The following KIAA1328 variants were observed in gnomAD, a reference collection of about 807,000 sequenced individuals.
The protein encoded by KIAA1328 is protein hinderin.
KIAA1328 carries 52 observed loss-of-function variants against 68.1 expected under a neutral mutation model. That is an observed-to-expected ratio of 0.76 (90% CI 0.61 to 0.96). KIAA1328 has a LOEUF of 0.96. Among genes scored for constraint, KIAA1328 ranks in the 40% least tolerant of loss-of-function variants. KIAA1328 has a pLI of 0.00. For missense variants in KIAA1328, 641 were observed against 677.6 expected, an observed-to-expected ratio of 0.95 and a Z score of 0.60; for synonymous variants, 232 against 239.4, an observed-to-expected ratio of 0.97 and a Z score of 0.28.
At chr18:36,888,551 T>G (rs1398418298) in intron 5 of KIAA1328, among the ~76,000 whole-genome samples, 1 of 152,126 alleles carries the variant, frequency 6.6e-6, no homozygotes, top group East Asian at 1.9e-4. Context: ...AATATTTTGG[T>G]TGGTAAAACT....
chr18:37,083,460 A>G (rs1183909466), intron 7 of KIAA1328, among the ~76,000 whole-genome samples: 1 of 152,218 alleles, frequency 6.6e-6, no homozygotes, highest in African/African-American at 2.4e-5. Flanking sequence ...ACCAGAGAAC[A>G]TTTCTTAAAA....
chr18:37,028,113 T>C lies in KIAA1328; in HGVS notation c.577-38777T>C, dbSNP rs570267538. ...CAACAGACACATGAAAAAATGCCCATGTGTTCTCAATGTTAGCTCCTACTT... is the reference window on the plus strand; with the variant it reads ...CAACAGACACATGAAAAAATGCCCACGTGTTCTCAATGTTAGCTCCTACTT... On this transcript the variant is annotated intron_variant, in intron 6 of 9. Transcript: ENST00000280020. 2.6e-5 allele frequency among the ~76,000 whole-genome samples: 4 copies of C among 152,272 alleles called. No homozygotes were observed. The East Asian group carries it at 7.7e-4, about 29-fold the overall frequency.
At chr18:36,986,548 A>G (rs1421015164) in intron 6 of KIAA1328, among the ~76,000 whole-genome samples, 54 of 107,562 alleles carry the variant, frequency 5.0e-4, no homozygotes, top group African/African-American at 1.9e-3. Context: ...TGAACAGGCA[A>G]CCTACAACAT....
intron 6 of KIAA1328, among the ~76,000 whole-genome samples, chr18:36,985,142 ATC>A (rs1476633657): frequency 1.3e-5 from 2 of 151,772 alleles, no homozygotes; most frequent in Non-Finnish European, 2.9e-5. Flanking sequence ...TCTCTCCAAA[ATC>A]CTGTTTAAAA....
chr18:37,170,133 C>T (rs1389001168), intron 8 of KIAA1328, among the ~76,000 whole-genome samples: 1 of 152,144 alleles, frequency 6.6e-6, no homozygotes, highest in Non-Finnish European at 1.5e-5. Flanking sequence ...TGACTTTGTT[C>T]TATCTGTTCC....
rs1171177191 is a variant in KIAA1328, at chr18:37,155,555, A to G, written c.1233-4645A>G. Among the ~76,000 whole-genome samples, 2 of 152,116 alleles carry G rather than the reference A, an allele frequency of 1.3e-5. 1 individual carries two copies. The highest frequency in any genetic ancestry group is 4.8e-5 in the African/African-American group (2 of 41,416). On this transcript the variant is annotated intron_variant, in intron 7 of 9. Transcript: ENST00000280020. ...TACCGCTTCTCTATTGCAAACCTTC[A>G]TCTCTCACCAGAGCTGTTTCAGCAG...
intron 9 of KIAA1328, among the ~76,000 whole-genome samples, chr18:37,199,905 G>A (rs1035386318): frequency 6.6e-6 from 1 of 152,162 alleles, no homozygotes; most frequent in African/African-American, 2.4e-5. Flanking sequence ...CTTTTGAGAA[G>A]TGTCTTTTCA....
At chr18:37,094,661 G>T (rs1275418673) in intron 7 of KIAA1328, among the ~76,000 whole-genome samples, 2 of 152,100 alleles carry the variant, frequency 1.3e-5, no homozygotes, top group Admixed American at 1.3e-4. Flanking sequence ...AAAAGAAAGA[G>T]AAGAACAAAT....
chr18:36,908,294 T>G (rs1598669366), intron 5 of KIAA1328, among the ~76,000 whole-genome samples: 1 of 152,158 alleles, frequency 6.6e-6, no homozygotes, highest in East Asian at 1.9e-4. Flanking sequence ...TAATTTATTT[T>G]TATTTATTTT....
At chr18:37,035,745 T>C (rs2055000987) in intron 6 of KIAA1328, among the ~76,000 whole-genome samples, 1 of 152,198 alleles carries the variant, frequency 6.6e-6, no homozygotes, top group Non-Finnish European at 1.5e-5. Flanking sequence ...TTTAAACTAA[T>C]TTTGGTTTGG....
At chr18:37,189,863 T>C (rs888467416) in intron 9 of KIAA1328, among the ~76,000 whole-genome samples, 29 of 152,200 alleles carry the variant, frequency 1.9e-4, no homozygotes, top group African/African-American at 7.0e-4. Flanking sequence ...TTTTTTAAAG[T>C]AACATTTAAG....
At chr18:37,102,593 G>A (rs377347680) in intron 7 of KIAA1328, among the ~76,000 whole-genome samples, 4 of 151,898 alleles carry the variant, frequency 2.6e-5, no homozygotes, top group Non-Finnish European at 4.4e-5. Flanking sequence ...CTTAATAAAC[G>A]CCATGTATGA....
chr18:37,205,109 G>T (rs1301465501), intron 9 of KIAA1328, among the ~76,000 whole-genome samples: 1 of 152,142 alleles, frequency 6.6e-6, no homozygotes, highest in Non-Finnish European at 1.5e-5. Flanking sequence ...AATAGATCCA[G>T]AAACAGTCCC....
In KIAA1328 at chr18:36,913,489, C is replaced by CACACACAA. The variant is rs1484667626; in HGVS notation, c.448+27824_448+27825insAACACACA. ...AGGCAATTACAACCTTACACACACA[C>CACACACAA]ACACACACACACACACACACACACA... On this transcript the variant is annotated intron_variant, in intron 5 of 9. Coordinates refer to ENST00000280020, the MANE Select transcript of KIAA1328 (RefSeq NM_020776.3). Among the ~76,000 whole-genome samples the CACACACAA allele has an allele frequency of 3.5e-5, 4 of 115,066 alleles. No individual in the cohort carries two copies. In the Admixed American group the frequency reaches 4.1e-4, roughly 12 times the overall value. The allele number at this position is 115,066 out of a possible 152,430, so 75.5% of individuals were successfully genotyped here.
At chr18:37,017,605 C>T (rs2151513806) in intron 6 of KIAA1328, among the ~76,000 whole-genome samples, 1 of 152,172 alleles carries the variant, frequency 6.6e-6, no homozygotes, top group Non-Finnish European at 1.5e-5. Context: ...TAAGTTTTTT[C>T]ATAGGTTTAG....
In KIAA1328 at chr18:37,135,966, T is replaced by C. The variant is rs189738998; in HGVS notation, c.1233-24234T>C. 1.8e-3 allele frequency among the ~76,000 whole-genome samples: 276 copies of C among 152,320 alleles called. 1 individual carries two copies. Among genetic ancestry groups the C allele is most frequent in the Non-Finnish European group, 2.1e-3 (140 of 68,030 alleles). ...TTCTTGAAGATCAGATGACAGTAGG[T>C]GTGTGGCTTTATCTTTGGGTTTTCT... On this transcript the variant is annotated intron_variant, in intron 7 of 9. Transcript: ENST00000280020.
chr18:36,865,039 A>G (rs2047700141), intron 4 of KIAA1328, among the ~76,000 whole-genome samples: 1 of 140,216 alleles, frequency 7.1e-6, no homozygotes, highest in African/African-American at 2.7e-5. Flanking sequence ...TCTCTATTTC[A>G]TTGATTTTTT....
chr18:36,829,885 C>T (rs2046404742), intron 1 of KIAA1328, among the ~76,000 whole-genome samples: 1 of 152,076 alleles, frequency 6.6e-6, no homozygotes, highest in Admixed American at 6.5e-5. Flanking sequence ...ACTTTTTAGT[C>T]CAGTGGTAGT....
At chr18:37,107,014 C>A (rs1474980118) in intron 7 of KIAA1328, among the ~76,000 whole-genome samples, 1 of 152,102 alleles carries the variant, frequency 6.6e-6, no homozygotes, top group Admixed American at 6.5e-5. Context: ...GAGGCCGATG[C>A]GGGCAGATCA....
Sources: gnomAD v4.1 joint callset for allele counts (sites outside exome capture counted in the v4.1 genomes callset) on GRCh38, gnomAD v4.1.1 for gene constraint, MANE v1.5 for transcripts, NCBI Gene and HGNC (gene_info 2026-07-23, HGNC 2026-07-21) for gene names.